The following MIOS variants were observed in gnomAD, a reference collection of about 807,000 sequenced individuals.
MIOS encodes meiosis regulator for oocyte development, also known as GATOR2 complex protein MIOS.
A neutral mutation model predicts 96.9 loss-of-function variants in MIOS; 52 were observed. That is an observed-to-expected ratio of 0.54 (90% CI 0.43 to 0.68). MIOS has a LOEUF of 0.68. Ranked by LOEUF, MIOS falls within the 30% of genes least tolerant of loss-of-function variation. The pLI is 0.00. For synonymous variants in MIOS, 397 were observed against 359.5 expected (o/e 1.10, Z -1.18); for missense variants, 1,005 against 1,052.8 (o/e 0.95, Z 0.63).
chr7:7,583,381 T>C lies in MIOS; in HGVS notation c.1648+9T>C. The C allele has an allele frequency of 6.3e-7, 1 of 1,574,822 alleles. No individual in the cohort carries two copies. The highest frequency in any genetic ancestry group is 8.6e-7 in the Non-Finnish European group (1 of 1,158,716). On this transcript the variant is annotated intron_variant, in intron 6 of 12. Transcript: ENST00000340080. ...GGCATCTTCTGAAAAAGGTATTAGG[T>C]TATAAACTAAGATATTAGTTATAAT...
rs1783442613 is a variant in MIOS at position 7,573,981 on chromosome 7, A to G, written c.1295-117A>G. 3 of 912,276 alleles carry G rather than the reference A, an allele frequency of 3.3e-6. No individual in the cohort carries two copies. The highest frequency in any genetic ancestry group is 3.3e-6 in the Non-Finnish European group (2 of 615,310). 56.5% of individuals were successfully genotyped at this position (912,276 alleles called of 1,614,324 possible). ...AGGAAGAAAAGTGTATCTCTGCAAT[A>G]GAGTCGAACCACCTTATTTACACTG... On this transcript the variant is annotated intron_variant, in intron 4 of 12. Transcript: ENST00000340080. This position sits in a 1 kb window ranked among gnomAD's most constrained non-coding sequence, Gnocchi z 5.0.
rs1784584128 is a variant in MIOS, at chr7:7,608,298, G to T, written c.*1206G>T. 1 of 152,038 alleles carries T rather than the reference G, an allele frequency of 6.6e-6. No homozygotes were observed. The highest frequency in any genetic ancestry group is 6.6e-5 in the Admixed American group (1 of 15,242). 9.4% of individuals were successfully genotyped at this position (152,038 alleles called of 1,614,324 possible). On this transcript the variant is annotated 3_prime_UTR_variant, in exon 13 of 13. Coordinates refer to ENST00000340080, the MANE Select transcript of MIOS (RefSeq NM_019005.4). ...GTAGTTGAAGCTGTGTTCATAAAGA[G>T]TAAATCTTATTTTATAGATTTTGGA...
At chr7:7,599,515 T>C (rs1344769720) in intron 11 of MIOS, among the ~76,000 whole-genome samples, 1 of 152,184 alleles carries the variant, frequency 6.6e-6, no homozygotes, top group Non-Finnish European at 1.5e-5. Flanking sequence ...GCCAGTCCTT[T>C]AAAGTTTGGT....
In MIOS at chr7:7,567,030, C is replaced by T. The variant is rs950497064; in HGVS notation, c.-263C>T. On this transcript the variant is annotated 5_prime_UTR_variant, in exon 1 of 13. Coordinates refer to ENST00000340080, the MANE Select transcript of MIOS (RefSeq NM_019005.4). ...GCTCCTGCGGCGGGCGGGGCGGTGT[C>T]CCGGCCGGAAGCGGCTGTGCGGCGG... The T allele has an allele frequency of 4.6e-5, 7 of 152,044 alleles. No homozygotes were observed. The highest frequency in any genetic ancestry group is 2.9e-5 in the Non-Finnish European group (2 of 68,000). The allele number at this position is 152,044 out of a possible 1,614,324, so 9.4% of individuals were successfully genotyped here. A position where few individuals can be genotyped will look rare whatever the true frequency, so the allele number is the denominator to read the frequency against.
At chr7:7,593,105 C>A (rs1451247345) in intron 9 of MIOS, among the ~76,000 whole-genome samples, 1 of 152,114 alleles carries the variant, frequency 6.6e-6, no homozygotes, top group African/African-American at 2.4e-5. Context: ...CTTAGTTTAT[C>A]CCCTTCTTGC....
At chr7:7,578,150 A>G (rs916759818) in intron 5 of MIOS, among the ~76,000 whole-genome samples, 19 of 152,174 alleles carry the variant, frequency 1.2e-4, no homozygotes, top group African/African-American at 4.6e-4. Context: ...TTGGAGGTGT[A>G]GACCACTGGA....
Position 7,573,838 on chromosome 7 carries a change from C to A in MIOS, c.1294+69C>A. On this transcript the variant is annotated intron_variant, in intron 4 of 12. Transcript: ENST00000340080. This position sits in a 1 kb window ranked among gnomAD's most constrained non-coding sequence, Gnocchi z 5.0. ...ATGTTCTTGAAGTTTGCCAAAAGGT[C>A]AGTCTGTAAATATGCTCAATGTTTT... 3 of 1,380,266 alleles carry A rather than the reference C, an allele frequency of 2.2e-6. No individual in the cohort carries two copies. The highest frequency in any genetic ancestry group is 2.8e-5 in the South Asian group (2 of 70,600). 85.5% of individuals were successfully genotyped at this position (1,380,266 alleles called of 1,614,324 possible). A position where few individuals can be genotyped will look rare whatever the true frequency, so the allele number is the denominator to read the frequency against.
intron 5 of MIOS, among the ~76,000 whole-genome samples, chr7:7,574,544 CT>C (rs1203478354): frequency 1.3e-5 from 2 of 152,046 alleles, no homozygotes; most frequent in Admixed American, 1.3e-4. Context: ...CAACATTTTG[CT>C]TCTTAAAAAC....
chr7:7,593,117 A>G (rs976569050), intron 9 of MIOS, among the ~76,000 whole-genome samples: 1 of 152,188 alleles, frequency 6.6e-6, no homozygotes, highest in Non-Finnish European at 1.5e-5. Flanking sequence ...CCTTCTTGCC[A>G]TATAAGGGGA....
intron 3 of MIOS, among the ~76,000 whole-genome samples, chr7:7,571,476 T>C (rs1472021280): frequency 1.3e-5 from 2 of 151,652 alleles, no homozygotes; most frequent in Admixed American, 1.3e-4. Flanking sequence ...GCCTTTTTAA[T>C]AGTTATATAT....
At chr7:7,595,495 T>A (rs1784178179) in intron 10 of MIOS, among the ~76,000 whole-genome samples, 1 of 152,240 alleles carries the variant, frequency 6.6e-6, no homozygotes, top group African/African-American at 2.4e-5. Flanking sequence ...ACTTTAGCAG[T>A]ATTACCTATA....
intron 9 of MIOS, among the ~76,000 whole-genome samples, chr7:7,592,711 G>C (rs1784083423): frequency 6.6e-6 from 1 of 152,034 alleles, no homozygotes; most frequent in South Asian, 2.1e-4. Context: ...TCACAGTAGG[G>C]TTCACTGTCC....
chr7:7,590,349 CT>C (rs1183529668), intron 9 of MIOS, among the ~76,000 whole-genome samples: 1 of 152,144 alleles, frequency 6.6e-6, no homozygotes, highest in Non-Finnish European at 1.5e-5. Context: ...AAAAAGTACC[CT>C]TCTATAACAT....
chr7:7,589,778 G>A (rs573459134), intron 9 of MIOS, among the ~76,000 whole-genome samples: 1 of 152,138 alleles, frequency 6.6e-6, no homozygotes, highest in Non-Finnish European at 1.5e-5. Flanking sequence ...GTCTGAGAAG[G>A]GCCAGTCTTG....
rs546294522 is a variant in MIOS at position 7,598,356 on chromosome 7, A to G, written c.2401+1895A>G. Among the ~76,000 whole-genome samples the G allele has an allele frequency of 3.3e-5, 5 of 152,280 alleles. No homozygotes were observed. The East Asian group carries it at 7.7e-4, about 23-fold the overall frequency. ...CTGCTTTATCATTACATTAACATTT[A>G]TGAAAGACTTGCTGGTATCATTGGC... On this transcript the variant is annotated intron_variant, in intron 11 of 12. Coordinates refer to ENST00000340080, the MANE Select transcript of MIOS (RefSeq NM_019005.4).
At chr7:7,591,887 AC>A (rs1784058174) in intron 9 of MIOS, among the ~76,000 whole-genome samples, 1 of 151,864 alleles carries the variant, frequency 6.6e-6, no homozygotes, top group Non-Finnish European at 1.5e-5. Flanking sequence ...GACTCTTATT[AC>A]ATATGTATTA....
chr7:7,601,434 C>T (rs1418144385), intron 11 of MIOS, among the ~76,000 whole-genome samples: 7 of 152,038 alleles, frequency 4.6e-5, no homozygotes, highest in Non-Finnish European at 1.0e-4. Context: ...TCAGAGAATA[C>T]CATAAACACC....
Position 7,596,308 on chromosome 7 carries a change from G to C in MIOS, c.2248G>C (p.Ala750Pro). Reference sequence around the variant, plus strand: ...CAAGTCAATCTCCTACAGCTGTTCAGCTGTGCCTCATCAGGGCAGAGGTTT... The same window carrying C: ...CAAGTCAATCTCCTACAGCTGTTCACCTGTGCCTCATCAGGGCAGAGGTTT... ...CGKSISYSCS[A>P]VPHQGRGFSQ... is the part of the protein sequence containing the mutation. The change falls in exon 11 of 13, where the codon GCT (alanine) becomes CCT (proline). Residue 750 changes from alanine to proline, a missense_variant. Ala to Pro is a conservative substitution (Grantham distance 27, BLOSUM62 -1). Coordinates refer to ENST00000340080, the MANE Select transcript of MIOS (RefSeq NM_019005.4). 6.2e-7 allele frequency: 1 copy of C among 1,614,074 alleles called. No individual in the cohort carries two copies. The highest frequency in any genetic ancestry group is 8.5e-7 in the Non-Finnish European group (1 of 1,180,024).
intron 11 of MIOS, among the ~76,000 whole-genome samples, chr7:7,604,096 G>A (rs1484912444): frequency 1.3e-5 from 2 of 151,930 alleles, no homozygotes; most frequent in Non-Finnish European, 2.9e-5. Flanking sequence ...GATAGCATTA[G>A]GAGATATACC....
Sources: gnomAD v4.1 joint callset for allele counts (sites outside exome capture counted in the v4.1 genomes callset) on GRCh38, gnomAD v4.1.1 for gene constraint, Gnocchi (gnomAD v3.1) non-coding constraint, MANE v1.5 for transcripts, NCBI Gene and HGNC (gene_info 2026-07-23, HGNC 2026-07-21) for gene names.